Variants in EYA1 observed in about 807,000 individuals in gnomAD.
EYA1 encodes protein phosphatase EYA1.
In EYA1, 16 loss-of-function variants were observed where a neutral mutation model predicts 82.0. The observed-to-expected ratio is 0.20, with a 90% confidence interval of 0.13 to 0.30. EYA1 has a LOEUF of 0.30. Ranked by LOEUF, EYA1 falls within the 10% of genes least tolerant of loss-of-function variation. EYA1 has a pLI of 1.00. For missense variants in EYA1, 633 were observed against 730.7 expected (o/e 0.87, Z 1.54); for synonymous variants, 261 against 264.4 (o/e 0.99, Z 0.12).
At chr8:71,212,200 T>C (rs1372033345) in intron 16 of EYA1, among the ~76,000 whole-genome samples, 1 of 152,210 alleles carries the variant, frequency 6.6e-6, no homozygotes, top group Non-Finnish European at 1.5e-5. Context: ...GGATCAGATA[T>C]ACACATGAAC....
intron 2 of EYA1, among the ~76,000 whole-genome samples, chr8:71,503,878 G>A (rs1811998141): frequency 6.6e-6 from 1 of 152,118 alleles, no homozygotes; most frequent in Non-Finnish European, 1.5e-5. Context: ...AAGTCCATGT[G>A]TTTAACTACT....
At chr8:71,456,161 C>A (rs1210376381) in intron 2 of EYA1, among the ~76,000 whole-genome samples, 1 of 152,134 alleles carries the variant, frequency 6.6e-6, no homozygotes, top group African/African-American at 2.4e-5. Context: ...TTCACAATTG[C>A]TTCAAAGAGA....
intron 6 of EYA1, 103 bp from the exon 7 acceptor site, chr8:71,317,792 A>C: frequency 9.1e-7 from 1 of 1,097,678 alleles, no homozygotes; most frequent in Middle Eastern, 2.1e-4. Flanking sequence ...ATGCTTCCCC[A>C]ATCTTATCTC....
intron 2 of EYA1, among the ~76,000 whole-genome samples, chr8:71,464,214 TCTC>T (rs1040162995): frequency 6.6e-6 from 1 of 151,990 alleles, no homozygotes; most frequent in African/African-American, 2.4e-5. Context: ...TTCCCAAACT[TCTC>T]CTATAGCCAT....
At chr8:71,516,317 T>C (rs542430601) in intron 2 of EYA1, among the ~76,000 whole-genome samples, 3 of 152,150 alleles carry the variant, frequency 2.0e-5, no homozygotes, top group Non-Finnish European at 1.5e-5. Flanking sequence ...GGATGAAATA[T>C]GTGTAAATGG....
chr8:71,265,559 G>A (rs1226926613), intron 11 of EYA1, among the ~76,000 whole-genome samples: 1 of 151,744 alleles, frequency 6.6e-6, no homozygotes, highest in Non-Finnish European at 1.5e-5. Context: ...GGCGTTGAGT[G>A]TAGATATCTT....
chr8:71,511,542 T>C (rs560886545), intron 2 of EYA1, among the ~76,000 whole-genome samples: 26 of 152,230 alleles, frequency 1.7e-4, no homozygotes, highest in African/African-American at 6.0e-4. Context: ...GACTGACGGG[T>C]CAGGTAAGAC....
chr8:71,385,613 C>T (rs1031688493), intron 2 of EYA1, among the ~76,000 whole-genome samples: 1 of 152,070 alleles, frequency 6.6e-6, no homozygotes, highest in African/African-American at 2.4e-5. Context: ...AGGTAATGTC[C>T]CTGTTCTACA....
At chr8:71,457,611 G>A (rs953900257) in intron 2 of EYA1, among the ~76,000 whole-genome samples, 1 of 152,148 alleles carries the variant, frequency 6.6e-6, no homozygotes, top group Non-Finnish European at 1.5e-5. Flanking sequence ...GTCTTTTATA[G>A]GGACATGGAT....
chr8:71,257,849 G>T (rs368032560), intron 11 of EYA1, among the ~76,000 whole-genome samples: 13 of 152,240 alleles, frequency 8.5e-5, no homozygotes, highest in South Asian at 4.1e-4. Flanking sequence ...TTCATTTAAG[G>T]CTCCTGGCAT....
Position 71,354,857 on chromosome 8 carries a change from T to C in EYA1, c.49A>G (p.Ser17Gly), listed in dbSNP as rs747231434. The C allele has an allele frequency of 3.0e-5, 48 of 1,613,596 alleles. No homozygotes were observed. Among genetic ancestry groups the C allele is most frequent in the Non-Finnish European group, 3.9e-5 (46 of 1,179,674 alleles). Residue 17 changes from serine (S) to glycine (G), a missense_variant, in exon 3 of 18, where the codon AGT becomes GGT. Transcript: ENST00000340726. Reference protein sequence around the residue: ...TSPHSRLSGSSESPSGPKLGN... With the variant: ...TSPHSRLSGSGESPSGPKLGN... ...AGTTTGGGGCCACTGGGGGATTCACTACTACCACTCAGACGGCTATGCGGG... is the reference window on the plus strand; with the variant it reads ...AGTTTGGGGCCACTGGGGGATTCACCACTACCACTCAGACGGCTATGCGGG...
intron 12 of EYA1, among the ~76,000 whole-genome samples, chr8:71,220,704 G>T (rs67509258): frequency 0.16 from 24,455 of 152,180 alleles, 2,068 homozygotes; most frequent in East Asian, 0.2. Flanking sequence ...CTGGATAGTG[G>T]TAAGTGCTAA....
At chr8:71,414,003 C>T (rs1423170180) in intron 2 of EYA1, among the ~76,000 whole-genome samples, 2 of 152,106 alleles carry the variant, frequency 1.3e-5, no homozygotes, top group Non-Finnish European at 2.9e-5. Flanking sequence ...GGGATTAACA[C>T]TGTGTAAGGG....
chr8:71,509,978 TG>T (rs1295298512), intron 2 of EYA1, among the ~76,000 whole-genome samples: 2 of 151,726 alleles, frequency 1.3e-5, no homozygotes, highest in Non-Finnish European at 2.9e-5. Context: ...TAGATGGTAA[TG>T]GTATTTTTAG....
At position 71,394,975 on chromosome 8, in the gene EYA1, T is replaced by C. The variant is rs1005846313; in HGVS notation, c.34-38464A>G. Among the ~76,000 whole-genome samples, 4 of 152,308 alleles carry C rather than the reference T, an allele frequency of 2.6e-5. No individual in the cohort carries two copies. The South Asian group carries it at 8.3e-4, about 32-fold the overall frequency. ...TATCCTCTTTTATTTCGTTGAGCAG[T>C]GGTTTGTAGTTCTCCTTGAAGAGGT... On this transcript the variant is annotated intron_variant, in intron 2 of 18. Coordinates refer to the EYA1 transcript ENST00000643681.
intron 2 of EYA1, among the ~76,000 whole-genome samples, chr8:71,483,811 T>C (rs1443983888): frequency 6.6e-6 from 1 of 152,124 alleles, no homozygotes; most frequent in Admixed American, 6.5e-5. Context: ...CCAAATAGTA[T>C]GGAAACTTTT....
At chr8:71,354,670 TATAAG>T (rs1826669437) in intron 3 of EYA1, 107 bp downstream of exon 3, 1 of 1,044,768 alleles carries the variant, frequency 9.6e-7, no homozygotes, top group Admixed American at 1.7e-5. Context: ...AAAGGGGAAA[TATAAG>T]AGTAGTTTTA....
At chr8:71,453,518 A>G (rs1451228506) in intron 2 of EYA1, among the ~76,000 whole-genome samples, 2 of 152,176 alleles carry the variant, frequency 1.3e-5, no homozygotes, top group African/African-American at 4.8e-5. Flanking sequence ...GGCAGGCAGA[A>G]AGAAAGGTAG....
At chr8:71,337,596 T>C (rs1701830915) in intron 3 of EYA1, among the ~76,000 whole-genome samples, 1 of 152,214 alleles carries the variant, frequency 6.6e-6, no homozygotes, top group Non-Finnish European at 1.5e-5. Context: ...TATAAGACTT[T>C]CTAAAAGTGA....
Sources: gnomAD v4.1 joint callset for allele counts (sites outside exome capture counted in the v4.1 genomes callset) on GRCh38, gnomAD v4.1.1 for gene constraint, MANE v1.5 for transcripts, NCBI Gene and HGNC (gene_info 2026-07-23, HGNC 2026-07-21) for gene names.